CUL4A: variants seen among roughly 807,000 people sequenced by gnomAD.
CUL4A encodes cullin-4A.
In CUL4A, 16 loss-of-function variants were observed where a neutral mutation model predicts 95.5. The ratio of observed to expected loss-of-function variants is 0.17; its 90% CI spans 0.11 to 0.25. CUL4A has a LOEUF of 0.25. Among genes scored for constraint, CUL4A ranks in the 10% least tolerant of loss-of-function variants. CUL4A has a pLI of 1.00. For synonymous variants in CUL4A, 380 were observed against 353.1 expected (o/e 1.08, Z -0.85); for missense variants, 610 against 937.0 (o/e 0.65, Z 4.56).
In CUL4A at chr13:113,218,972, G is replaced by T; in HGVS notation, c.292G>T (p.Val98Phe). The change falls in exon 3 of 20, where the codon GTC becomes TTC. Residue 98 changes from valine to phenylalanine, a missense_variant. Physicochemically the swap from Val to Phe is conservative, Grantham distance 50. This residue lies in a region of CUL4A where 168 missense variants were observed against 185.5 expected (regional missense o/e 0.91). Transcript: ENST00000375440. ...TGTGGAAAATCTCTGTTCTCACAAAGTCTCCCCAATGCTCTACAAGCAACT... is the reference window on the plus strand; with the variant it reads ...TGTGGAAAATCTCTGTTCTCACAAATTCTCCCCAATGCTCTACAAGCAACT... Reference protein sequence around the residue: ...QAVENLCSHKVSPMLYKQLRQ... With the variant: ...QAVENLCSHKFSPMLYKQLRQ... 1 of 1,613,338 alleles carries T rather than the reference G, an allele frequency of 6.2e-7. No individual in the cohort carries two copies.
intron 18 of CUL4A, among the ~76,000 whole-genome samples, chr13:113,256,581 G>A (rs1280860038): frequency 6.6e-6 from 1 of 152,120 alleles, no homozygotes; most frequent in Non-Finnish European, 1.5e-5. Flanking sequence ...ATAGTTTGTT[G>A]CAGTTTTCAT....
At chr13:113,211,309 A>G (rs997577051) in intron 2 of CUL4A, among the ~76,000 whole-genome samples, 4 of 152,258 alleles carry the variant, frequency 2.6e-5, no homozygotes, top group Non-Finnish European at 5.9e-5. Flanking sequence ...TTTATTACCT[A>G]GTAGAATGGG....
intron 15 of CUL4A, among the ~76,000 whole-genome samples, chr13:113,251,968 G>A (rs1281822076): frequency 6.6e-6 from 1 of 152,186 alleles, no homozygotes; most frequent in Non-Finnish European, 1.5e-5. Context: ...GGCGAAACTG[G>A]TGAGCCCTTG....
At chr13:113,222,648 G>T (rs2040943198) in intron 3 of CUL4A, among the ~76,000 whole-genome samples, 1 of 152,214 alleles carries the variant, frequency 6.6e-6, no homozygotes, top group Admixed American at 6.5e-5. Context: ...GAGCAGAGTG[G>T]CCAGACACAG....
At chr13:113,215,560 G>A (rs1247779893) in intron 2 of CUL4A, among the ~76,000 whole-genome samples, 4 of 150,206 alleles carry the variant, frequency 2.7e-5, no homozygotes, top group African/African-American at 9.8e-5. Context: ...TGGAGGTCAC[G>A]TCCCATGTGG....
chr13:113,230,388 T>G (rs1447070221), intron 5 of CUL4A, among the ~76,000 whole-genome samples: 2 of 152,184 alleles, frequency 1.3e-5, no homozygotes, highest in African/African-American at 4.8e-5. Flanking sequence ...GTCCTTATTT[T>G]ATACAACATC....
chr13:113,237,218 C>T (rs894991078), intron 9 of CUL4A, among the ~76,000 whole-genome samples: 5 of 152,174 alleles, frequency 3.3e-5, no homozygotes, highest in African/African-American at 9.7e-5. Context: ...TTTCCTGTGT[C>T]CGGCCGTTCT....
chr13:113,227,567 G>GA (rs2041151392), intron 3 of CUL4A, among the ~76,000 whole-genome samples: 2 of 152,198 alleles, frequency 1.3e-5, no homozygotes, highest in Non-Finnish European at 2.9e-5. Context: ...TTACTGAATG[G>GA]TGTGTAGTAT....
chr13:113,256,925 C>CGTT (rs2042137255), intron 18 of CUL4A, among the ~76,000 whole-genome samples: 1 of 37,276 alleles, frequency 2.7e-5, no homozygotes. Context: ...TTTTTTTTTT[C>CGTT]GTTTTTTTTT....
upstream of CUL4A, chr13:113,208,445 C>G: frequency 6.6e-7 from 1 of 1,519,324 alleles, no homozygotes; most frequent in Admixed American, 2.0e-5. Flanking sequence ...CCGGCCGCCG[C>G]TGTTCGGCTC....
At chr13:113,233,040 G>A (rs1053661450) in intron 5 of CUL4A, 137 bp from the exon 6 acceptor site, 1 of 902,250 alleles carries the variant, frequency 1.1e-6, no homozygotes, top group African/African-American at 1.7e-5. Context: ...TTTTTAAAAG[G>A]AATTCTTGGC....
intron 2 of CUL4A, among the ~76,000 whole-genome samples, chr13:113,213,190 C>T (rs1346798918): frequency 6.6e-6 from 1 of 152,128 alleles, no homozygotes; most frequent in Non-Finnish European, 1.5e-5. Context: ...GAGTTCGAGA[C>T]CAGCCTAGGC....
At chr13:113,224,642 A>G (rs1368922236) in intron 3 of CUL4A, among the ~76,000 whole-genome samples, 1 of 152,206 alleles carries the variant, frequency 6.6e-6, no homozygotes, top group African/African-American at 2.4e-5. Context: ...CCTTAGAAAG[A>G]CTTTGTGCCT....
At chr13:113,229,151 A>C (rs957786385) in intron 4 of CUL4A, among the ~76,000 whole-genome samples, 2 of 152,216 alleles carry the variant, frequency 1.3e-5, no homozygotes, top group African/African-American at 4.8e-5. Flanking sequence ...CCAAATTTAA[A>C]AGATATCCTT....
At chr13:113,208,783 G>T (rs2040176979), upstream of CUL4A, 2 of 1,420,346 alleles carry the variant, frequency 1.4e-6, no homozygotes, top group Non-Finnish European at 1.8e-6. Context: ...CTGGGGACCG[G>T]CTCGGCGACG....
chr13:113,253,467 G>T (rs1158818228), intron 16 of CUL4A, among the ~76,000 whole-genome samples: 3 of 152,080 alleles, frequency 2.0e-5, no homozygotes, highest in Non-Finnish European at 4.4e-5. Context: ...AAAAATATCT[G>T]TGAAGATGCA....
intron 15 of CUL4A, among the ~76,000 whole-genome samples, chr13:113,250,331 A>C (rs1300768769): frequency 2.0e-5 from 3 of 152,198 alleles, no homozygotes; most frequent in Admixed American, 1.3e-4. Flanking sequence ...GTCTGCCTAC[A>C]GACCCAGCCA....
chr13:113,217,650 T>TAA (rs2040744224), intron 2 of CUL4A, among the ~76,000 whole-genome samples: 1 of 152,228 alleles, frequency 6.6e-6, no homozygotes, highest in Non-Finnish European at 1.5e-5. Context: ...TGAATAGCTT[T>TAA]ATAACTTTAA....
At chr13:113,229,766 G>A in intron 5 of CUL4A, 1 of 513,690 alleles carries the variant, frequency 1.9e-6, no homozygotes, top group Non-Finnish European at 3.4e-6. Flanking sequence ...TCATGAGGGT[G>A]AAGACAGAGG....
Sources: gnomAD v4.1 joint callset for allele counts (sites outside exome capture counted in the v4.1 genomes callset) on GRCh38, gnomAD v4.1.1 for gene constraint, gnomAD v4.1.1 regional missense constraint, MANE v1.5 for transcripts, NCBI Gene and HGNC (gene_info 2026-07-23, HGNC 2026-07-21) for gene names.